LUZP2: variants seen among roughly 807,000 people sequenced by gnomAD.
LUZP2 encodes leucine zipper protein 2.
In LUZP2, 52 loss-of-function variants were observed where a neutral mutation model predicts 51.6. The observed-to-expected ratio is 1.01, with a 90% CI of 0.81 to 1.27. The LOEUF is 1.27. LUZP2 is among the 50% of genes most tolerant of loss of function. LUZP2 has a pLI of 0.00. For synonymous variants in LUZP2, 154 were observed against 137.3 expected (o/e 1.12, Z -0.85); for missense variants, 436 against 395.4 (o/e 1.10, Z -0.87).
At chr11:25,005,128 C>T (rs989118369) in intron 9 of LUZP2, among the ~76,000 whole-genome samples, 1 of 152,146 alleles carries the variant, frequency 6.6e-6, no homozygotes, top group East Asian at 1.9e-4. Flanking sequence ...CCACCCCCTA[C>T]AGCTTGAAGG....
chr11:24,514,528 C>G (rs551509832), intron 1 of LUZP2, among the ~76,000 whole-genome samples: 3 of 152,282 alleles, frequency 2.0e-5, no homozygotes, highest in Non-Finnish European at 4.4e-5. Flanking sequence ...CTCCTTCTAT[C>G]AAGCCCACTT....
chr11:24,667,328 C>T (rs183418136), intron 1 of LUZP2, among the ~76,000 whole-genome samples: 12 of 151,886 alleles, frequency 7.9e-5, no homozygotes, highest in African/African-American at 2.7e-4. Flanking sequence ...GGACTACAGA[C>T]ATGTGCCACC....
chr11:24,571,402 T>G (rs1350794604), intron 1 of LUZP2, among the ~76,000 whole-genome samples: 1 of 152,106 alleles, frequency 6.6e-6, no homozygotes, highest in Non-Finnish European at 1.5e-5. Flanking sequence ...AGGAAAAGGA[T>G]GTACATATAA....
chr11:24,855,383 A>G (rs757648572), intron 5 of LUZP2, among the ~76,000 whole-genome samples: 1 of 152,170 alleles, frequency 6.6e-6, no homozygotes, highest in Non-Finnish European at 1.5e-5. Flanking sequence ...TAATACCTAC[A>G]AAAAATATCT....
intron 1 of LUZP2, among the ~76,000 whole-genome samples, chr11:24,530,140 A>G (rs1011209576): frequency 1.3e-5 from 2 of 150,782 alleles, no homozygotes; most frequent in Non-Finnish European, 3.0e-5. Context: ...ATTTAATTCA[A>G]TCAAAAGCAC....
intron 1 of LUZP2, among the ~76,000 whole-genome samples, chr11:24,574,247 T>G (rs1186588729): frequency 4.7e-4 from 1 of 2,108 alleles, no homozygotes; most frequent in African/African-American, 8.6e-4. Context: ...TTTCTTTCTT[T>G]CTTTCTTTCT....
chr11:24,960,989 T>G (rs1277837807), intron 7 of LUZP2, among the ~76,000 whole-genome samples: 2 of 152,154 alleles, frequency 1.3e-5, no homozygotes, highest in African/African-American at 2.4e-5. Context: ...TATTTCTGCC[T>G]TCATTTCGTT....
intron 1 of LUZP2, among the ~76,000 whole-genome samples, chr11:24,502,561 T>G (rs11027954): frequency 0.044 from 6,654 of 152,056 alleles, 349 homozygotes; most frequent in African/African-American, 0.12. Context: ...TTTTTTCGTA[T>G]TTTTAGTGAA....
At chr11:24,499,039 A>C (rs1310367917) in intron 1 of LUZP2, among the ~76,000 whole-genome samples, 1 of 152,186 alleles carries the variant, frequency 6.6e-6, no homozygotes, top group African/African-American at 2.4e-5. Context: ...TTTTCCTTTC[A>C]TGAAAGTGTT....
chr11:25,030,939 T>TATATTATATATATATA (rs1857644954), intron 9 of LUZP2, among the ~76,000 whole-genome samples: 1 of 20,882 alleles, frequency 4.8e-5, no homozygotes, highest in African/African-American at 9.4e-5. Context: ...TAATATATAT[T>TATATTATATATATATA]ATATATATTA....
chr11:24,711,185 G>C (rs556171509), intron 1 of LUZP2, among the ~76,000 whole-genome samples: 196 of 152,254 alleles, frequency 1.3e-3, no homozygotes, highest in East Asian at 3.3e-3. Flanking sequence ...CGCGGTGGCT[G>C]ATGCCTGTAA....
chr11:24,968,463 G>A (rs1467965266), intron 7 of LUZP2, among the ~76,000 whole-genome samples: 2 of 152,164 alleles, frequency 1.3e-5, no homozygotes, highest in African/African-American at 4.8e-5. Context: ...AAAGACTGCT[G>A]TTTTGATTGC....
chr11:25,071,814 ATAGT>A (rs1362699575), intron 10 of LUZP2, among the ~76,000 whole-genome samples: 1 of 146,100 alleles, frequency 6.8e-6, no homozygotes. Context: ...AACTTAAAGT[ATAGT>A]AAAAAAGAAA....
chr11:24,734,606 G>A (rs1858856576), intron 3 of LUZP2, among the ~76,000 whole-genome samples: 1 of 151,688 alleles, frequency 6.6e-6, no homozygotes, highest in Admixed American at 6.6e-5. Flanking sequence ...ATAATAAAAG[G>A]TAACTTCTCA....
intron 5 of LUZP2, among the ~76,000 whole-genome samples, chr11:24,897,399 A>G (rs1853107581): frequency 6.6e-6 from 1 of 152,186 alleles, no homozygotes; most frequent in Non-Finnish European, 1.5e-5. Context: ...CGTTGTTTTT[A>G]TGAGCTGTAA....
At chr11:24,786,251 G>T in intron 5 of LUZP2, 1 of 963,810 alleles carries the variant, frequency 1.0e-6, no homozygotes, top group Non-Finnish European at 1.2e-6. Flanking sequence ...TTGCATGCAT[G>T]CATGTTTGAT....
chr11:24,543,692 G>A (rs1851449403), intron 1 of LUZP2, among the ~76,000 whole-genome samples: 3 of 151,748 alleles, frequency 2.0e-5, no homozygotes, highest in Admixed American at 6.6e-5. Context: ...ATGGTGGTGC[G>A]TGACTGTAAT....
At chr11:24,636,757 C>T (rs150534703) in intron 1 of LUZP2, among the ~76,000 whole-genome samples, 186 of 151,984 alleles carry the variant, frequency 1.2e-3, no homozygotes, top group African/African-American at 4.1e-3. Context: ...TCAAATAATT[C>T]GTCAGAGCTC....
chr11:24,721,233 A>C (rs1031713279), intron 1 of LUZP2, among the ~76,000 whole-genome samples: 6 of 152,222 alleles, frequency 3.9e-5, no homozygotes, highest in Admixed American at 3.3e-4. Flanking sequence ...GTTAGCAAAT[A>C]ATAACACCTG....
Sources: gnomAD v4.1 joint callset for allele counts (sites outside exome capture counted in the v4.1 genomes callset) on GRCh38, gnomAD v4.1.1 for gene constraint, MANE v1.5 for transcripts, NCBI Gene and HGNC (gene_info 2026-07-23, HGNC 2026-07-21) for gene names.